The following RBMS3 variants were observed in gnomAD, a reference collection of about 807,000 sequenced individuals.
RBMS3 encodes RNA-binding motif, single-stranded-interacting protein 3.
A neutral mutation model predicts 66.8 loss-of-function variants in RBMS3; 27 were observed. That is an observed-to-expected ratio of 0.40 (90% CI 0.30 to 0.56). RBMS3 has a LOEUF of 0.56. RBMS3 is among the 20% of genes least tolerant of loss of function. The pLI is 0.40. For synonymous variants in RBMS3, 188 were observed against 183.0 expected, an observed-to-expected ratio of 1.03 and a Z score of -0.22; for missense variants, 513 against 549.5, an observed-to-expected ratio of 0.93 and a Z score of 0.66.
intron 3 of RBMS3, among the ~76,000 whole-genome samples, chr3:29,574,314 C>T (rs111661301): frequency 0.016 from 2,473 of 152,094 alleles, 28 homozygotes; most frequent in Admixed American, 0.036. Context: ...TATGTAAGGA[C>T]GTTCTTTGTC....
At chr3:29,485,434 T>G (rs1358572016) in intron 2 of RBMS3, among the ~76,000 whole-genome samples, 1 of 152,114 alleles carries the variant, frequency 6.6e-6, no homozygotes, top group African/African-American at 2.4e-5. Context: ...GACCTGGCTG[T>G]ATTTGAATAT....
intron 7 of RBMS3, among the ~76,000 whole-genome samples, chr3:29,870,257 T>C (rs1559755193): frequency 6.6e-6 from 1 of 152,142 alleles, no homozygotes; most frequent in African/African-American, 2.4e-5. Flanking sequence ...CCTATTGGCC[T>C]CAGAAGACAA....
intron 6 of RBMS3, among the ~76,000 whole-genome samples, chr3:29,797,162 T>C (rs940889069): frequency 2.0e-5 from 3 of 152,264 alleles, no homozygotes; most frequent in African/African-American, 7.2e-5. Context: ...TTCATCTATA[T>C]TGAAAATCTA....
At chr3:29,482,368 T>G (rs953415733) in intron 2 of RBMS3, among the ~76,000 whole-genome samples, 5 of 152,196 alleles carry the variant, frequency 3.3e-5, no homozygotes, top group Non-Finnish European at 7.3e-5. Flanking sequence ...TGGTCTGCTA[T>G]TTTTGTGCCA....
At chr3:29,447,206 C>T (rs2041864475) in intron 2 of RBMS3, among the ~76,000 whole-genome samples, 1 of 152,000 alleles carries the variant, frequency 6.6e-6, no homozygotes, top group South Asian at 2.1e-4. Flanking sequence ...AGCCGCTGCA[C>T]CCAGCCAGCA....
chr3:29,606,540 C>G (rs1053787998), intron 4 of RBMS3, among the ~76,000 whole-genome samples: 1 of 151,948 alleles, frequency 6.6e-6, no homozygotes, highest in African/African-American at 2.4e-5. Context: ...CTCAGACTCT[C>G]TTTGTATAAA....
At chr3:29,699,851 G>A (rs887604191) in intron 4 of RBMS3, among the ~76,000 whole-genome samples, 5 of 152,162 alleles carry the variant, frequency 3.3e-5, no homozygotes, top group African/African-American at 4.8e-5. Context: ...ACCTCCTTCA[G>A]ATTATGATTC....
chr3:29,308,750 A>AAAC (rs1266496446), intron 1 of RBMS3, among the ~76,000 whole-genome samples: 52 of 33,442 alleles, frequency 1.6e-3, no homozygotes, highest in Non-Finnish European at 3.8e-3. Flanking sequence ...AAAAAACAAA[A>AAAC]AAAAACAAAA....
chr3:29,326,975 C>T (rs993025532), intron 1 of RBMS3, among the ~76,000 whole-genome samples: 2 of 152,108 alleles, frequency 1.3e-5, no homozygotes, highest in Non-Finnish European at 2.9e-5. Flanking sequence ...CATGATCTGC[C>T]CGCACTGGCC....
rs2035903372 is a variant in RBMS3 at position 29,335,673 on chromosome 3, G to C, written c.75+53917G>C. ...ACTCTGGGACTGCCCAGTGTACGGC[G>C]TCTGTCACGTCTGAAGTGTGAGCAT... On this transcript the variant is annotated intron_variant, in intron 1 of 14. Transcript: ENST00000383767. Among the ~76,000 whole-genome samples, 4 of 152,280 alleles carry C rather than the reference G, an allele frequency of 2.6e-5. No homozygotes were observed. In the South Asian group the frequency reaches 8.3e-4, roughly 32 times the overall value.
chr3:29,764,328 A>G (rs2055833826), intron 6 of RBMS3, among the ~76,000 whole-genome samples: 1 of 151,966 alleles, frequency 6.6e-6, no homozygotes, highest in Admixed American at 6.6e-5. Context: ...TTAAGAAAAG[A>G]GTTAGCAGTT....
At chr3:29,615,897 G>C (rs1379313765) in intron 4 of RBMS3, 2 of 152,148 alleles carry the variant, frequency 1.3e-5, no homozygotes, top group Non-Finnish European at 2.9e-5. Context: ...AACATGATGA[G>C]AGGAAATAAA....
chr3:29,530,077 T>G (rs1258660713), intron 3 of RBMS3, among the ~76,000 whole-genome samples: 2 of 152,208 alleles, frequency 1.3e-5, no homozygotes, highest in Admixed American at 6.5e-5. Context: ...AGGCATCCCC[T>G]GCCGTACACA....
chr3:29,287,879 C>G (rs1005041242), intron 1 of RBMS3, among the ~76,000 whole-genome samples: 6 of 151,782 alleles, frequency 4.0e-5, no homozygotes, highest in African/African-American at 1.5e-4. Context: ...GAGTGGCAGA[C>G]TGAGATGAGT....
intron 6 of RBMS3, among the ~76,000 whole-genome samples, chr3:29,798,751 T>C (rs958316086): frequency 6.6e-6 from 1 of 152,150 alleles, no homozygotes; most frequent in African/African-American, 2.4e-5. Context: ...AGTGATGCAA[T>C]TTGGTGTCTA....
intron 7 of RBMS3, among the ~76,000 whole-genome samples, chr3:29,877,459 T>A (rs1193017929): frequency 6.6e-6 from 1 of 152,208 alleles, no homozygotes; most frequent in African/African-American, 2.4e-5. Flanking sequence ...ATTCAGAAAT[T>A]ATGAAAATTT....
intron 4 of RBMS3, among the ~76,000 whole-genome samples, chr3:29,619,911 CTGAG>C (rs759070802): frequency 2.6e-5 from 4 of 151,962 alleles, no homozygotes; most frequent in South Asian, 2.1e-4. Flanking sequence ...TCTTGTCTTC[CTGAG>C]TATTTTCCTG....
At chr3:29,886,198 A>G (rs896714839) in intron 8 of RBMS3, among the ~76,000 whole-genome samples, 9 of 151,908 alleles carry the variant, frequency 5.9e-5, no homozygotes, top group South Asian at 2.1e-4. Flanking sequence ...TTATTTTTCA[A>G]CTTTGCTCAG....
chr3:29,817,856 A>G (rs1485736234), intron 6 of RBMS3, among the ~76,000 whole-genome samples: 2 of 152,084 alleles, frequency 1.3e-5, no homozygotes, highest in Non-Finnish European at 2.9e-5. Context: ...TCAACAGTCT[A>G]CTTCAGTAGC....
Sources: allele counts gnomAD v4.1 joint callset (sites outside exome capture counted in the v4.1 genomes callset), GRCh38; gene constraint gnomAD v4.1.1; transcripts MANE v1.5; gene names NCBI Gene and HGNC (gene_info 2026-07-23, HGNC 2026-07-21).